CRPPA: variants seen among roughly 807,000 people sequenced by gnomAD.
CRPPA encodes the protein D-ribitol-5-phosphate cytidylyltransferase.
CRPPA carries 43 observed loss-of-function variants against 52.0 expected under a neutral mutation model. The ratio of observed to expected loss-of-function variants is 0.83; its 90% CI spans 0.65 to 1.07. The LOEUF is 1.07. CRPPA is among the 50% of genes least tolerant of loss of function. The pLI is 0.00. For missense variants in CRPPA, 629 were observed against 551.7 expected (o/e 1.14, Z -1.40); for synonymous variants, 250 against 203.5 (o/e 1.23, Z -1.94).
chr7:16,156,615 A>T (rs1783186306), intron 9 of CRPPA, among the ~76,000 whole-genome samples: 1 of 152,204 alleles, frequency 6.6e-6, no homozygotes. Flanking sequence ...TTATAAACAA[A>T]TTTGTAAAAT....
At chr7:16,189,313 A>G (rs1308663819) in intron 9 of CRPPA, among the ~76,000 whole-genome samples, 1 of 152,218 alleles carries the variant, frequency 6.6e-6, no homozygotes, top group African/African-American at 2.4e-5. Flanking sequence ...TGGGTTGGGC[A>G]CAGCAGAGCC....
At chr7:16,172,207 C>A (rs1478125878) in intron 9 of CRPPA, among the ~76,000 whole-genome samples, 1 of 152,164 alleles carries the variant, frequency 6.6e-6, no homozygotes, top group Non-Finnish European at 1.5e-5. Context: ...TCCCCTTTGC[C>A]ATCATACAAG....
Position 16,340,245 on chromosome 7 carries a change from C to T in CRPPA, c.685-31618G>A, listed in dbSNP as rs186778816. 1.7e-3 allele frequency among the ~76,000 whole-genome samples: 258 copies of T among 152,096 alleles called. 5 individuals are homozygous for T. The highest frequency in any genetic ancestry group is 2.4e-4 in the Non-Finnish European group (16 of 67,950). ...GGAATGATACATGAAAAAATTGGTA[C>T]ACTATACTAAATAAAGATTAAGTTT... On this transcript the variant is annotated intron_variant, in intron 3 of 9. Transcript: ENST00000407010.
intron 1 of CRPPA, among the ~76,000 whole-genome samples, chr7:16,406,879 A>T (rs1787966130): frequency 6.6e-6 from 1 of 152,232 alleles, no homozygotes; most frequent in African/African-American, 2.4e-5. Context: ...GTTATAATTA[A>T]TATTGTAGCA....
At chr7:16,255,742 G>A (rs1306652347) in intron 8 of CRPPA, among the ~76,000 whole-genome samples, 1 of 152,150 alleles carries the variant, frequency 6.6e-6, no homozygotes, top group Non-Finnish European at 1.5e-5. Flanking sequence ...CTAGCCATAA[G>A]CAGAAAGCTG....
chr7:16,244,104 G>A (rs534144107), intron 8 of CRPPA, among the ~76,000 whole-genome samples: 1 of 152,140 alleles, frequency 6.6e-6, no homozygotes, highest in Non-Finnish European at 1.5e-5. Context: ...ATTTTAATAA[G>A]TATCTTAGTT....
chr7:16,294,193 A>G (rs1374534968), intron 5 of CRPPA, among the ~76,000 whole-genome samples: 1 of 151,950 alleles, frequency 6.6e-6, no homozygotes, highest in Non-Finnish European at 1.5e-5. Flanking sequence ...TACCAAATGT[A>G]CTATTTGCTT....
intron 9 of CRPPA, among the ~76,000 whole-genome samples, chr7:16,125,764 A>G (rs1006209269): frequency 6.6e-6 from 1 of 152,156 alleles, no homozygotes; most frequent in Non-Finnish European, 1.5e-5. Flanking sequence ...GTAAGAATTT[A>G]TTTTAAAAAA....
intron 3 of CRPPA, among the ~76,000 whole-genome samples, chr7:16,361,277 A>G (rs1172112783): frequency 6.6e-6 from 1 of 152,220 alleles, no homozygotes; most frequent in South Asian, 2.1e-4. Flanking sequence ...TAAAAATGGT[A>G]CAGCCACTAT....
chr7:16,273,280 C>T (rs1429858332), intron 6 of CRPPA, among the ~76,000 whole-genome samples: 1 of 152,000 alleles, frequency 6.6e-6, no homozygotes, highest in Non-Finnish European at 1.5e-5. Context: ...TGTTTTCCCA[C>T]TCAAATGCTG....
intron 3 of CRPPA, 107 bp downstream of exon 3, chr7:16,375,968 ATAAGTCTTAGCCTTGAG>A: frequency 1.1e-6 from 1 of 896,168 alleles, no homozygotes. Context: ...CTTCATTGTA[ATAAGTCTTAGCCTTGAG>A]TATAACTATA....
chr7:16,342,019 T>C (rs1011375733), intron 3 of CRPPA, among the ~76,000 whole-genome samples: 1 of 152,140 alleles, frequency 6.6e-6, no homozygotes, highest in African/African-American at 2.4e-5. Context: ...TCTGTGCATA[T>C]TGGTCTCTGC....
intron 3 of CRPPA, among the ~76,000 whole-genome samples, chr7:16,330,594 G>C (rs1262209653): frequency 5.3e-5 from 8 of 152,134 alleles, no homozygotes; most frequent in Admixed American, 5.2e-4. Flanking sequence ...GGGCAAGTCT[G>C]AGAGTTAAAA....
intron 9 of CRPPA, among the ~76,000 whole-genome samples, chr7:16,119,524 T>C (rs1019934400): frequency 6.6e-6 from 1 of 152,078 alleles, no homozygotes; most frequent in African/African-American, 2.4e-5. Context: ...CAGACAAAAC[T>C]TGAAGTGAAA....
chr7:16,183,783 C>T (rs1269405443), intron 9 of CRPPA, among the ~76,000 whole-genome samples: 2 of 151,986 alleles, frequency 1.3e-5, no homozygotes, highest in Admixed American at 6.6e-5. Flanking sequence ...AAGGAAGGTG[C>T]CTAAGAGAAG....
intron 8 of CRPPA, among the ~76,000 whole-genome samples, chr7:16,257,120 G>A (rs995106862): frequency 2.6e-5 from 4 of 152,066 alleles, no homozygotes; most frequent in African/African-American, 7.2e-5. Context: ...AACTTAAGAA[G>A]TAGAGTTATT....
chr7:16,303,071 GA>G (rs1381828519), intron 4 of CRPPA, among the ~76,000 whole-genome samples: 1 of 152,014 alleles, frequency 6.6e-6, no homozygotes, highest in East Asian at 1.9e-4. Context: ...AGCTATGTAG[GA>G]AAAAAATAAG....
chr7:16,299,401 C>T (rs1276682737), intron 5 of CRPPA, among the ~76,000 whole-genome samples: 2 of 152,078 alleles, frequency 1.3e-5, no homozygotes, highest in Non-Finnish European at 2.9e-5. Flanking sequence ...GAGGAGCAGC[C>T]TAGAGGAAGA....
chr7:16,148,351 A>C (rs1177788394), intron 9 of CRPPA, among the ~76,000 whole-genome samples: 6 of 152,174 alleles, frequency 3.9e-5, no homozygotes, highest in Admixed American at 3.3e-4. Context: ...TTAATGCAGC[A>C]CTATTCACAA....
Sources: gnomAD v4.1 joint callset for allele counts (sites outside exome capture counted in the v4.1 genomes callset) on GRCh38, gnomAD v4.1.1 for gene constraint, MANE v1.5 for transcripts, NCBI Gene and HGNC (gene_info 2026-07-23, HGNC 2026-07-21) for gene names.